The following HCN4 variants were observed in gnomAD, a reference collection of about 807,000 sequenced individuals.
The protein encoded by HCN4 is hyperpolarization activated cyclic nucleotide gated potassium channel 4.
A neutral mutation model predicts 76.9 loss-of-function variants in HCN4; 29 were observed. The ratio of observed to expected loss-of-function variants is 0.38; its 90% CI spans 0.28 to 0.51. The LOEUF (loss-of-function observed/expected upper bound fraction) is 0.51, where lower values mean the gene tolerates loss of function less well. Among genes scored for constraint, HCN4 ranks in the 20% least tolerant of loss-of-function variants. The probability of loss-of-function intolerance (pLI) is 0.90; values close to 1 mark genes in which losing one functional copy is unlikely to be tolerated. For synonymous variants in HCN4, 772 were observed against 762.5 expected, an observed-to-expected ratio of 1.01 and a Z score of -0.21; for missense variants, 1,416 against 1,715.2, an observed-to-expected ratio of 0.83 and a Z score of 3.08.
At chr15:73,362,994 G>A (rs1721417083) in intron 1 of HCN4, among the ~76,000 whole-genome samples, 1 of 152,192 alleles carries the variant, frequency 6.6e-6, no homozygotes, top group African/African-American at 2.4e-5. Flanking sequence ...TGCCTTGTCA[G>A]GTGGGACACA....
chr15:73,344,671 C>A (rs541467845), intron 1 of HCN4, among the ~76,000 whole-genome samples: 40 of 152,316 alleles, frequency 2.6e-4, no homozygotes, highest in African/African-American at 9.6e-4. Context: ...CCTCAGGCAC[C>A]TTCAAGTCGT....
rs564331666 is a variant in HCN4, at chr15:73,351,604, G to T, written c.786-7796C>A. 3.3e-5 allele frequency among the ~76,000 whole-genome samples: 5 copies of T among 152,248 alleles called. No individual in the cohort carries two copies. In the East Asian group the frequency reaches 9.7e-4, roughly 29 times the overall value. The stretch of plus-strand genomic sequence containing the variant: ...ACGTGTCCCATCAACCCACCATGGG[G>T]ACTACTCCAACAGCTTCCCAGCTGA... On this transcript the variant is annotated intron_variant, in intron 1 of 7. Transcript: ENST00000261917.
intron 1 of HCN4, among the ~76,000 whole-genome samples, chr15:73,350,308 C>T (rs2043049995): frequency 6.6e-6 from 1 of 152,204 alleles, no homozygotes; most frequent in Non-Finnish European, 1.5e-5. Context: ...ATCCCAGCCC[C>T]AGGCAAGGAC....
Position 73,323,309 on chromosome 15 carries a change from CGGGGTGAGCA to C in HCN4, c.2774_2783del (p.Leu925ArgfsTer57), listed in dbSNP as rs758286353. 6.5e-7 allele frequency: 1 copy of C among 1,547,860 alleles called. No homozygotes were observed. The highest frequency in any genetic ancestry group is 1.2e-5 in the South Asian group (1 of 83,728). On this transcript the variant is annotated frameshift_variant, in exon 8 of 8. Transcript: ENST00000261917. LOFTEE classifies it high-confidence loss of function. ...GCGGGGAGCGGGCGCCTGGCTGCAG[CGGGGTGAGCA>C]GGGGAGAGTCGGAGGAGGACAGGGA... is the stretch of plus-strand genomic sequence containing the variant.
In HCN4 at chr15:73,329,089, C is replaced by T. The variant is rs1044902603; in HGVS notation, c.1590+484G>A. ...GGCCTGGGTGGTGAAACCACAGCAC[C>T]GGGGCCCCAGACAGAGGGAGGGTCA... On this transcript the variant is annotated intron_variant, in intron 4 of 7. Transcript: ENST00000261917. Among the ~76,000 whole-genome samples, 6 of 152,120 alleles carry T rather than the reference C, an allele frequency of 3.9e-5. No individual in the cohort carries two copies. In the East Asian group the frequency reaches 5.8e-4, roughly 15 times the overall value.
intron 2 of HCN4, among the ~76,000 whole-genome samples, chr15:73,341,975 A>T (rs1399951598): frequency 1.3e-5 from 2 of 152,184 alleles, no homozygotes; most frequent in Admixed American, 1.3e-4. Flanking sequence ...GGGGTCCTGG[A>T]GGCTGGGAAG....
intron 1 of HCN4, among the ~76,000 whole-genome samples, chr15:73,353,876 C>T (rs2151224177): frequency 6.6e-6 from 1 of 152,256 alleles, no homozygotes; most frequent in East Asian, 1.9e-4. Context: ...ACCCACTGCC[C>T]AACCTTCCTG....
chr15:73,329,855 A>G, intron 3 of HCN4, 64 bp from the exon 4 acceptor site: 1 of 1,380,868 alleles, frequency 7.2e-7, no homozygotes. Flanking sequence ...CTAGCAAGAA[A>G]AGGCCCTGCC....
chr15:73,322,635 G>A lies in HCN4; in HGVS notation c.3458C>T (p.Pro1153Leu). ...CAAAGAACCTGAGGATGTCTTCCGAGGCAGAGTGACGTGCTGGCCGGGGAT... is the reference window on the plus strand; with the variant it reads ...CAAAGAACCTGAGGATGTCTTCCGAAGCAGAGTGACGTGCTGGCCGGGGAT... Reference protein sequence around the residue: ...GAIPGQHVTLPRKTSSGSLPP... With the variant: ...GAIPGQHVTLLRKTSSGSLPP... The change falls in exon 8 of 8, where the codon CCT (proline) becomes CTT (leucine). Residue 1153 changes from proline (P) to leucine (L), a missense_variant. Physicochemically the swap from Pro to Leu is moderately conservative, Grantham distance 98 (BLOSUM62 -3). This residue lies in a region of HCN4 where 633 missense variants were observed against 579.8 expected (regional missense o/e 1.09). Transcript: ENST00000261917. 1 of 1,611,306 alleles carries A rather than the reference G, an allele frequency of 6.2e-7. No individual in the cohort carries two copies. The highest frequency in any genetic ancestry group is 2.2e-5 in the East Asian group (1 of 44,790).
intron 1 of HCN4, among the ~76,000 whole-genome samples, chr15:73,357,590 C>T (rs1471700541): frequency 6.6e-6 from 1 of 152,078 alleles, no homozygotes; most frequent in African/African-American, 2.4e-5. Context: ...TCCCGGATGG[C>T]ATTTCAGTTC....
intron 2 of HCN4, among the ~76,000 whole-genome samples, chr15:73,334,440 C>T (rs140354187): frequency 2.0e-5 from 3 of 152,250 alleles, no homozygotes; most frequent in Non-Finnish European, 4.4e-5. Context: ...CCCCCAGCAC[C>T]AGCCGGGGGG....
intron 1 of HCN4, among the ~76,000 whole-genome samples, chr15:73,350,376 G>C (rs990076437): frequency 4.6e-5 from 7 of 152,022 alleles, no homozygotes; most frequent in African/African-American, 1.7e-4. Flanking sequence ...CACAACCTCA[G>C]ACCAGTCCTA....
At chr15:73,354,168 G>C (rs973041539) in intron 1 of HCN4, among the ~76,000 whole-genome samples, 2 of 152,162 alleles carry the variant, frequency 1.3e-5, no homozygotes, top group African/African-American at 4.8e-5. Context: ...ATTTTTCTAT[G>C]TTTATCAATA....
chr15:73,365,195 T>C (rs1039585601), intron 1 of HCN4, among the ~76,000 whole-genome samples: 1 of 152,184 alleles, frequency 6.6e-6, no homozygotes, highest in Non-Finnish European at 1.5e-5. Flanking sequence ...AGCTAGGCTC[T>C]TGCCTGTTTG....
At chr15:73,358,352 C>G (rs1367922313) in intron 1 of HCN4, among the ~76,000 whole-genome samples, 1 of 152,218 alleles carries the variant, frequency 6.6e-6, no homozygotes, top group Non-Finnish European at 1.5e-5. Flanking sequence ...TCTGAAGATA[C>G]TGGAGGTGGG....
intron 2 of HCN4, chr15:73,341,096 G>GTGTA (rs2042999751): frequency 6.6e-6 from 1 of 151,324 alleles, no homozygotes; most frequent in Non-Finnish European, 1.5e-5. Context: ...GTGTGTGTGT[G>GTGTA]TGTGTGTATA....
chr15:73,363,979 C>T (rs2151227202), intron 1 of HCN4, among the ~76,000 whole-genome samples: 1 of 152,198 alleles, frequency 6.6e-6, no homozygotes, highest in African/African-American at 2.4e-5. Context: ...GTGCCAGTGA[C>T]CAGCAGCAGG....
chr15:73,355,218 G>A (rs1475800982), intron 1 of HCN4, among the ~76,000 whole-genome samples: 1 of 152,242 alleles, frequency 6.6e-6, no homozygotes, highest in Non-Finnish European at 1.5e-5. Context: ...GAAGGTGTCT[G>A]GGTCAGGGGC....
At position 73,322,461 on chromosome 15, in the gene HCN4, G is replaced by GAAAGAGAAAAGAGAAAAGAAAAGA. The variant is rs1224069282; in HGVS notation, c.*19_*20insTCTTTTCTTTTCTCTTTTCTCTTT. 5 of 1,555,062 alleles carry GAAAGAGAAAAGAGAAAAGAAAAGA rather than the reference G, an allele frequency of 3.2e-6. No individual in the cohort carries two copies. Among genetic ancestry groups the GAAAGAGAAAAGAGAAAAGAAAAGA allele is most frequent in the Non-Finnish European group, 4.4e-6 (5 of 1,144,102 alleles). On this transcript the variant is annotated 3_prime_UTR_variant, in exon 8 of 8. Transcript: ENST00000261917. ...GGAAGGGAGAGAAAAGAAGAAAGAA[G>GAAAGAGAAAAGAGAAAAGAAAAGA]AGGGAAGGAAGGGCCCAGCTCATAG... is the stretch of plus-strand genomic sequence containing the variant.
Sources: allele counts gnomAD v4.1 joint callset (sites outside exome capture counted in the v4.1 genomes callset), GRCh38; gene constraint gnomAD v4.1.1; regional missense constraint gnomAD v4.1.1; transcripts MANE v1.5; gene names NCBI Gene and HGNC (gene_info 2026-07-23, HGNC 2026-07-21).